The following RASGRF2 variants were observed in gnomAD, a reference collection of about 807,000 sequenced individuals.
RASGRF2 encodes the protein Ras protein specific guanine nucleotide releasing factor 2, also known as ras-specific guanine nucleotide-releasing factor 2.
In RASGRF2, 76 loss-of-function variants were observed where a neutral mutation model predicts 151.0. The ratio of observed to expected loss-of-function variants is 0.50; its 90% CI spans 0.42 to 0.61. The LOEUF (loss-of-function observed/expected upper bound fraction) is 0.61. Among genes scored for constraint, RASGRF2 ranks in the 20% least tolerant of loss-of-function variants. The pLI is 0.00. For synonymous variants in RASGRF2, 504 were observed against 566.5 expected (o/e 0.89, Z 1.57); for missense variants, 1,148 against 1,564.6 (o/e 0.73, Z 4.49).
chr5:81,024,249 ATTTTTTTTTTTTTTTT>A (rs397884951), intron 1 of RASGRF2, among the ~76,000 whole-genome samples: 1 of 71,684 alleles, frequency 1.4e-5, no homozygotes, highest in South Asian at 5.5e-4. Context: ...TATTCATATA[ATTTTTTTTTTTTTTTT>A]TTTTTTTTTT....
intron 1 of RASGRF2, among the ~76,000 whole-genome samples, chr5:80,970,512 G>A (rs552126967): frequency 2.6e-4 from 40 of 151,810 alleles, no homozygotes; most frequent in Non-Finnish European, 5.6e-4. Flanking sequence ...GTTTATCCCC[G>A]TTTGCCTTCT....
intron 22 of RASGRF2, among the ~76,000 whole-genome samples, chr5:81,211,086 G>A (rs1031505895): frequency 8.0e-5 from 12 of 150,518 alleles, no homozygotes; most frequent in South Asian, 6.5e-4. Flanking sequence ...CGAGGCTCCG[G>A]TGAGCTGTAA....
intron 3 of RASGRF2, among the ~76,000 whole-genome samples, 161 bp downstream of exon 3, chr5:81,068,340 C>T (rs1751672374): frequency 6.6e-6 from 1 of 150,650 alleles, no homozygotes; most frequent in South Asian, 2.1e-4. Flanking sequence ...AATCTAATGT[C>T]TATATTAGGA....
intron 17 of RASGRF2, among the ~76,000 whole-genome samples, chr5:81,135,262 G>A (rs181289418): frequency 1.3e-4 from 20 of 152,116 alleles, no homozygotes; most frequent in Admixed American, 3.3e-4. Context: ...AGTAATGATC[G>A]TGCTCCATCC....
intron 17 of RASGRF2, among the ~76,000 whole-genome samples, chr5:81,134,544 A>C (rs1274421441): frequency 6.6e-6 from 1 of 152,166 alleles, no homozygotes; most frequent in Middle Eastern, 3.2e-3. Flanking sequence ...CGGGCCACAC[A>C]TCATTCCTAC....
chr5:81,126,966 C>CA, intron 16 of RASGRF2, 108 bp from the exon 17 acceptor site: 1 of 1,155,880 alleles, frequency 8.7e-7, no homozygotes, highest in Non-Finnish European at 1.3e-6. Context: ...TAATACAGGG[C>CA]ATTTGGCCCA....
intron 18 of RASGRF2, among the ~76,000 whole-genome samples, chr5:81,193,544 C>T (rs926852955): frequency 6.6e-6 from 1 of 152,002 alleles, no homozygotes; most frequent in African/African-American, 2.4e-5. Flanking sequence ...GAGATGGAGT[C>T]TCACTCTGTC....
chr5:80,977,105 C>T (rs74984310), intron 1 of RASGRF2, among the ~76,000 whole-genome samples: 2,415 of 152,256 alleles, frequency 0.016, 62 homozygotes, highest in African/African-American at 0.056. Flanking sequence ...CCCCAACTGT[C>T]GTTTCCTCCC....
chr5:81,136,414 G>A (rs545033481), intron 17 of RASGRF2, among the ~76,000 whole-genome samples: 6 of 152,096 alleles, frequency 3.9e-5, no homozygotes, highest in African/African-American at 1.4e-4. Context: ...ACTGAACATA[G>A]AACTCTAGCT....
intron 25 of RASGRF2, 84 bp from the exon 26 acceptor site, chr5:81,219,626 G>C: frequency 1.8e-6 from 2 of 1,120,786 alleles, no homozygotes; most frequent in East Asian, 2.4e-5. Flanking sequence ...CTGGGAAGAG[G>C]CCTCAGAAGA....
At chr5:81,205,587 CAG>C (rs1336055305) in intron 19 of RASGRF2, among the ~76,000 whole-genome samples, 1 of 152,126 alleles carries the variant, frequency 6.6e-6, no homozygotes, top group Non-Finnish European at 1.5e-5. Context: ...TTAATCAACT[CAG>C]AACACAACAG....
chr5:80,961,354 G>C (rs921449377), intron 1 of RASGRF2, among the ~76,000 whole-genome samples: 1 of 148,728 alleles, frequency 6.7e-6, no homozygotes. Flanking sequence ...CCAGATTTTT[G>C]TCTGGTGACA....
In RASGRF2 at chr5:81,112,707, C is replaced by T; in HGVS notation, c.1936C>T (p.Arg646Cys). 2.5e-6 allele frequency: 4 copies of T among 1,614,166 alleles called. No individual in the cohort carries two copies. The highest frequency in any genetic ancestry group is 3.4e-6 in the Non-Finnish European group (4 of 1,180,034). The change falls in exon 14 of 27, where the codon CGC (arginine) becomes TGC (cysteine). Residue 646 changes from arginine (R) to cysteine (C), a missense_variant. This residue lies in a region of RASGRF2 where 646 missense variants were observed against 807.4 expected (regional missense o/e 0.80). Transcript: ENST00000265080. ...VPQIRYASVE[R>C]LLERLTDLRF... ...CCAGATCCGTTATGCCAGCGTGGAG[C>T]GCCTCTTGGAACGACTGACAGACTT... is the stretch of plus-strand genomic sequence containing the variant.
intron 12 of RASGRF2, among the ~76,000 whole-genome samples, chr5:81,104,878 T>A (rs1466917588): frequency 6.6e-6 from 1 of 152,180 alleles, no homozygotes; most frequent in Non-Finnish European, 1.5e-5. Flanking sequence ...TTCAGCTCCC[T>A]GGAGTGGGCT....
At chr5:81,037,652 A>G (rs1397909649) in intron 1 of RASGRF2, among the ~76,000 whole-genome samples, 1 of 152,248 alleles carries the variant, frequency 6.6e-6, no homozygotes, top group East Asian at 1.9e-4. Flanking sequence ...AAAATTGTTT[A>G]TGTGAAATGA....
chr5:80,976,982 G>C (rs1748137270), intron 1 of RASGRF2, among the ~76,000 whole-genome samples: 1 of 152,106 alleles, frequency 6.6e-6, no homozygotes, highest in South Asian at 2.1e-4. Flanking sequence ...AGATGTACAT[G>C]GTCTTTCTGT....
intron 11 of RASGRF2, among the ~76,000 whole-genome samples, chr5:81,094,599 T>A (rs1213852203): frequency 6.6e-6 from 1 of 152,066 alleles, no homozygotes; most frequent in African/African-American, 2.4e-5. Context: ...CTATAAATCA[T>A]GGGAATTTTT....
intron 1 of RASGRF2, among the ~76,000 whole-genome samples, chr5:81,027,316 G>A (rs568177289): frequency 2.6e-5 from 4 of 152,282 alleles, no homozygotes; most frequent in South Asian, 2.1e-4. Context: ...TTAATAATGG[G>A]AAAAACTGTG....
At chr5:81,109,832 G>A (rs1317065070) in intron 13 of RASGRF2, among the ~76,000 whole-genome samples, 1 of 152,200 alleles carries the variant, frequency 6.6e-6, no homozygotes, top group Non-Finnish European at 1.5e-5. Flanking sequence ...TGGGTGCACA[G>A]AGGTGACACT....
Sources: allele counts gnomAD v4.1 joint callset (sites outside exome capture counted in the v4.1 genomes callset), GRCh38; gene constraint gnomAD v4.1.1; regional missense constraint gnomAD v4.1.1; transcripts MANE v1.5; gene names NCBI Gene and HGNC (gene_info 2026-07-23, HGNC 2026-07-21).